Variants in MROH2B observed in about 807,000 individuals in gnomAD.
MROH2B encodes maestro heat-like repeat-containing protein family member 2B.
Under a neutral mutation model 208.6 loss-of-function variants are expected in MROH2B, and 177 were observed. The ratio of observed to expected loss-of-function variants is 0.85; its 90% CI spans 0.75 to 0.96. The LOEUF (loss-of-function observed/expected upper bound fraction) is 0.96. Among genes scored for constraint, MROH2B ranks in the 40% least tolerant of loss-of-function variants. The pLI is 0.00. For missense variants in MROH2B, 2,002 were observed against 1,878.7 expected (o/e 1.07, Z -1.21); for synonymous variants, 728 against 659.0 (o/e 1.10, Z -1.60).
chr5:41,070,026 T>A (rs974445222), intron 1 of MROH2B, among the ~76,000 whole-genome samples: 2 of 152,192 alleles, frequency 1.3e-5, no homozygotes, highest in Non-Finnish European at 2.9e-5. Flanking sequence ...TCCAGGCAAG[T>A]GGGCATTGCC....
Position 40,999,347 on chromosome 5 carries a change from T to C in MROH2B, c.4585+330A>G, listed in dbSNP as rs577518485. 2.8e-4 allele frequency among the ~76,000 whole-genome samples: 43 copies of C among 151,910 alleles called. No individual in the cohort carries two copies. In the South Asian group the frequency reaches 8.9e-3, roughly 32 times the overall value. On this transcript the variant is annotated intron_variant, in intron 40 of 41. Transcript: ENST00000399564. ...GTATGGGTTATCTTATGGGATGAGG[T>C]GAAGAAGTGTTTATGTAAGGGCAGC... is the stretch of plus-strand genomic sequence containing the variant.
intron 31 of MROH2B, 71 bp from the exon 32 acceptor site, chr5:41,009,477 C>T: frequency 6.4e-7 from 1 of 1,560,360 alleles, no homozygotes; most frequent in Non-Finnish European, 8.7e-7. Flanking sequence ...CCATCTGACT[C>T]ACTCTAAAAT....
chr5:41,061,159 ACTG>A (rs1248276795), intron 6 of MROH2B, among the ~76,000 whole-genome samples: 1 of 152,212 alleles, frequency 6.6e-6, no homozygotes, highest in Non-Finnish European at 1.5e-5. Flanking sequence ...GCACCTGTGG[ACTG>A]CTATTTTTTC....
rs1240244633 is a variant in MROH2B, at chr5:41,012,646, T to G, written c.3072A>C (p.Thr1024=). The change falls in exon 30 of 42, where the codon ACA becomes ACC. Residue 1024 remains threonine (T), a synonymous_variant. Transcript: ENST00000399564. ...TGATCATCCATATGCCACAGGCCTTTGTACAAGTGGGGTTGAGGCTCTCCA... is the reference window on the plus strand; with the variant it reads ...TGATCATCCATATGCCACAGGCCTTGGTACAAGTGGGGTTGAGGCTCTCCA... ...DGLESLNPTC[T]KACGIWMITV... 10 of 1,613,878 alleles carry G rather than the reference T, an allele frequency of 6.2e-6. No homozygotes were observed. The African/African-American group carries it at 1.3e-4, about 22-fold the overall frequency.
chr5:41,015,502 G>A (rs1363453081), intron 28 of MROH2B, 24 bp from the exon 29 acceptor site: 5 of 1,607,620 alleles, frequency 3.1e-6, no homozygotes, highest in Non-Finnish European at 4.3e-6. Context: ...AGTGAGAAAT[G>A]TTTAAGTGTT....
chr5:41,010,112 T>G (rs1441010673), intron 30 of MROH2B, 33 bp from the exon 31 acceptor site: 1 of 1,606,318 alleles, frequency 6.2e-7, no homozygotes, highest in East Asian at 2.2e-5. Context: ...AAACATTAAG[T>G]TGCCATTTTC....
In MROH2B at chr5:41,008,714, A is replaced by G; in HGVS notation, c.3500T>C (p.Leu1167Pro). ...GCCCAGTGTGCAGCTAACCAGCTTC[A>G]GGAGGAGAGTGAACAGCTCTGGATA... The part of the protein sequence containing the change: ...GLYPELFTLL[L>P]KLVSCTLGQK... The change falls in exon 33 of 42, where the codon CTG becomes CCG. Residue 1167 changes from leucine to proline, a missense_variant. By Grantham distance (98) the Leu-to-Pro change is moderately conservative. Coordinates refer to ENST00000399564, the MANE Select transcript of MROH2B (RefSeq NM_173489.5). 1 of 1,613,302 alleles carries G rather than the reference A, an allele frequency of 6.2e-7. No individual in the cohort carries two copies. The highest frequency in any genetic ancestry group is 2.2e-5 in the East Asian group (1 of 44,880).
intron 37 of MROH2B, 92 bp downstream of exon 37, chr5:41,004,254 G>A (rs1741494276): frequency 1.4e-6 from 2 of 1,430,618 alleles, no homozygotes; most frequent in Non-Finnish European, 1.9e-6. Flanking sequence ...GAATATGGGT[G>A]GGACACTGAC....
intron 21 of MROH2B, among the ~76,000 whole-genome samples, chr5:41,037,032 C>A (rs1435795996): frequency 6.6e-6 from 1 of 151,934 alleles, no homozygotes; most frequent in East Asian, 1.9e-4. Context: ...ATTTTCTTTC[C>A]TCTTTTATTT....
intron 24 of MROH2B, among the ~76,000 whole-genome samples, chr5:41,024,460 G>T (rs1045294757): frequency 6.6e-6 from 1 of 152,006 alleles, no homozygotes; most frequent in Non-Finnish European, 1.5e-5. Context: ...AATGGAAAAG[G>T]GATCAATTCA....
chr5:41,006,396 C>G (rs1309676577), intron 34 of MROH2B, among the ~76,000 whole-genome samples: 6 of 152,094 alleles, frequency 3.9e-5, no homozygotes. Flanking sequence ...GGTGGGAATG[C>G]AAACTAGTAC....
At chr5:41,005,762 G>A in intron 34 of MROH2B, 117 bp from the exon 35 acceptor site, 1 of 848,434 alleles carries the variant, frequency 1.2e-6, no homozygotes, top group East Asian at 2.7e-5. Context: ...TGGGGGTGGT[G>A]GCTCATGCCT....
chr5:41,004,292 C>T, intron 37 of MROH2B, 54 bp downstream of exon 37: 2 of 1,576,500 alleles, frequency 1.3e-6, no homozygotes, highest in Non-Finnish European at 1.7e-6. Flanking sequence ...CTACCTAAAC[C>T]TGTTTCTGTT....
In MROH2B at chr5:41,038,974, C is replaced by T; in HGVS notation, c.2062-86G>A. On this transcript the variant is annotated intron_variant, in intron 20 of 41. Coordinates refer to ENST00000399564, the MANE Select transcript of MROH2B (RefSeq NM_173489.5). ...GTTTTTTTCCTAATCCTGTGGACCA[C>T]TATAGGGGATAAGAAACTGGACTGG... The T allele has an allele frequency of 3.2e-6, 4 of 1,234,774 alleles. No homozygotes were observed. The South Asian group carries it at 6.0e-5, about 19-fold the overall frequency. 76.5% of individuals were successfully genotyped at this position (1,234,774 alleles called of 1,614,324 possible). A position where few individuals can be genotyped will look rare whatever the true frequency, so the allele number is the denominator to read the frequency against.
At chr5:41,032,956 G>C in intron 23 of MROH2B, 85 bp downstream of exon 23, 1 of 1,574,342 alleles carries the variant, frequency 6.4e-7, no homozygotes, top group East Asian at 2.3e-5. Context: ...GACTGGTGAA[G>C]TCTATTCACT....
chr5:41,004,346 A>G lies in MROH2B; in HGVS notation c.4194T>C (p.Asp1398=). ...IVLQTRTFFE[D]EQDDVRLTAI... ...GAAGTTCCTAAACAGGCTCACTTAC[A>G]TCTTCAAAGAAGGTCCTTGTTTGCA... Residue 1398 remains aspartate (D), a splice_region_variant and synonymous_variant, in exon 37 of 42, where the codon GAT becomes GAC. Coordinates refer to ENST00000399564, the MANE Select transcript of MROH2B (RefSeq NM_173489.5). 1.2e-6 allele frequency: 2 copies of G among 1,612,636 alleles called. No homozygotes were observed. Among genetic ancestry groups the G allele is most frequent in the Non-Finnish European group, 1.7e-6 (2 of 1,179,480 alleles).
At chr5:41,045,241 T>C (rs934992701) in intron 18 of MROH2B, among the ~76,000 whole-genome samples, 3 of 152,262 alleles carry the variant, frequency 2.0e-5, no homozygotes, top group Admixed American at 1.3e-4. Context: ...TTAATCATTG[T>C]TATCCATGGC....
intron 9 of MROH2B, among the ~76,000 whole-genome samples, chr5:41,056,278 C>G (rs1207539455): frequency 6.6e-6 from 1 of 151,792 alleles, no homozygotes; most frequent in Non-Finnish European, 1.5e-5. Flanking sequence ...GTTGTTGAAG[C>G]AAGGAGGGGT....
chr5:41,024,766 AT>A (rs1411304874), intron 24 of MROH2B, among the ~76,000 whole-genome samples: 2 of 152,230 alleles, frequency 1.3e-5, no homozygotes, highest in African/African-American at 4.8e-5. Flanking sequence ...TTATTCCAAA[AT>A]TGACCACATA....
Sources: allele counts gnomAD v4.1 joint callset (sites outside exome capture counted in the v4.1 genomes callset), GRCh38; gene constraint gnomAD v4.1.1; transcripts MANE v1.5; gene names NCBI Gene and HGNC (gene_info 2026-07-23, HGNC 2026-07-21).